The following AGBL4 variants were observed in gnomAD, a reference collection of about 807,000 sequenced individuals.
The protein encoded by AGBL4 is AGBL carboxypeptidase 4.
Under a neutral mutation model 66.4 loss-of-function variants are expected in AGBL4, and 58 were observed. The observed-to-expected ratio is 0.87, with a 90% CI of 0.71 to 1.09. The LOEUF (loss-of-function observed/expected upper bound fraction) is 1.09. Ranked by LOEUF, AGBL4 falls within the 50% of genes least tolerant of loss-of-function variation. AGBL4 has a pLI of 0.00. For missense variants in AGBL4, 579 were observed against 631.0 expected (o/e 0.92, Z 0.88); for synonymous variants, 234 against 222.9 (o/e 1.05, Z -0.44).
chr1:48,644,111 C>A (rs911386753), intron 8 of AGBL4, among the ~76,000 whole-genome samples: 9 of 152,046 alleles, frequency 5.9e-5, no homozygotes, highest in Admixed American at 5.2e-4. Context: ...ATTATCACTC[C>A]AAATCTCTAG....
intron 8 of AGBL4, among the ~76,000 whole-genome samples, chr1:48,651,224 T>C (rs1411286571): frequency 2.0e-5 from 3 of 152,154 alleles, no homozygotes; most frequent in Non-Finnish European, 4.4e-5. Context: ...AGCTTCAGGG[T>C]GAAACCACTT....
intron 3 of AGBL4, among the ~76,000 whole-genome samples, chr1:49,317,477 G>A (rs1185308406): frequency 2.0e-5 from 3 of 151,552 alleles, no homozygotes; most frequent in African/African-American, 7.3e-5. Context: ...CATTATAAAG[G>A]GAACTGAGAA....
At chr1:48,785,103 GACTC>G (rs1337286312) in intron 6 of AGBL4, among the ~76,000 whole-genome samples, 6 of 152,106 alleles carry the variant, frequency 3.9e-5, no homozygotes, top group Non-Finnish European at 5.9e-5. Context: ...AGTCCTCCCT[GACTC>G]ACTCCTTCCA....
At chr1:49,166,376 C>G (rs1178727740) in intron 4 of AGBL4, among the ~76,000 whole-genome samples, 1 of 152,130 alleles carries the variant, frequency 6.6e-6, no homozygotes, top group Non-Finnish European at 1.5e-5. Context: ...GCCAAGAACT[C>G]CATGATGGTA....
intron 3 of AGBL4, among the ~76,000 whole-genome samples, chr1:49,388,685 G>A (rs987678392): frequency 2.0e-5 from 3 of 152,082 alleles, no homozygotes; most frequent in African/African-American, 7.2e-5. Context: ...CAGGTTTTTG[G>A]TTCATATGCT....
intron 4 of AGBL4, among the ~76,000 whole-genome samples, chr1:49,061,081 G>T (rs1166765391): frequency 6.6e-6 from 1 of 152,204 alleles, no homozygotes; most frequent in Non-Finnish European, 1.5e-5. Flanking sequence ...CAAAGGAGAA[G>T]AATGAGGAGG....
intron 4 of AGBL4, among the ~76,000 whole-genome samples, chr1:49,231,758 T>G (rs1650329198): frequency 6.6e-6 from 1 of 152,220 alleles, no homozygotes; most frequent in South Asian, 2.1e-4. Context: ...TAGGAGTATT[T>G]GATTTTGTGA....
At chr1:49,278,092 G>A (rs1644205602) in intron 3 of AGBL4, among the ~76,000 whole-genome samples, 1 of 152,256 alleles carries the variant, frequency 6.6e-6, no homozygotes, top group South Asian at 2.1e-4. Context: ...ACCATGAGAA[G>A]TTGCCCAAGG....
chr1:49,643,728 TA>T, intron 3 of AGBL4, among the ~76,000 whole-genome samples: 1 of 151,728 alleles, frequency 6.6e-6, no homozygotes, highest in Non-Finnish European at 1.5e-5. Flanking sequence ...CTATATCCAG[TA>T]AAAATATGTT....
intron 3 of AGBL4, among the ~76,000 whole-genome samples, chr1:49,284,965 G>A (rs1308001074): frequency 2.0e-5 from 3 of 150,274 alleles, no homozygotes; most frequent in Non-Finnish European, 3.0e-5. Context: ...ACAGATCAAC[G>A]AGACAGAAAG....
chr1:48,830,778 A>G (rs144098527), intron 6 of AGBL4, among the ~76,000 whole-genome samples: 1 of 152,328 alleles, frequency 6.6e-6, no homozygotes, highest in East Asian at 1.9e-4. Context: ...ATAAGAAAAT[A>G]TTTGGATAAT....
chr1:49,672,345 G>C (rs1439395065), intron 3 of AGBL4, among the ~76,000 whole-genome samples: 2 of 151,838 alleles, frequency 1.3e-5, no homozygotes, highest in Non-Finnish European at 2.9e-5. Context: ...TACTTGAGGG[G>C]GGAGGGTGGG....
At chr1:48,546,163 T>G (rs1257000526) in intron 11 of AGBL4, among the ~76,000 whole-genome samples, 3 of 152,212 alleles carry the variant, frequency 2.0e-5, no homozygotes, top group Non-Finnish European at 4.4e-5. Context: ...ACCAAAGCCC[T>G]GCAAAGTCAA....
intron 3 of AGBL4, among the ~76,000 whole-genome samples, chr1:49,493,649 T>C (rs978707157): frequency 5.9e-5 from 9 of 151,938 alleles, no homozygotes; most frequent in African/African-American, 2.2e-4. Context: ...GAGAGAACCA[T>C]GTGAGAGGAA....
Position 48,745,056 on chromosome 1 carries a change from C to T in AGBL4, c.635-81815G>A, listed in dbSNP as rs115960804. Among the ~76,000 whole-genome samples the T allele has an allele frequency of 5.4e-3, 823 of 152,298 alleles. 6 individuals carry two copies. The highest frequency in any genetic ancestry group is 0.019 in the African/African-American group (774 of 41,558). ...ATTATGTTTGCAATCATCTGCCTGT[C>T]GGTTTTCAACATTAGACTATAAAGC... On this transcript the variant is annotated intron_variant, in intron 6 of 13. Transcript: ENST00000371839.
At chr1:48,992,363 CTG>C (rs1557536085) in intron 5 of AGBL4, among the ~76,000 whole-genome samples, 1 of 152,002 alleles carries the variant, frequency 6.6e-6, no homozygotes, top group East Asian at 1.9e-4. Context: ...CTCTCTCTCT[CTG>C]TGCAGAGCTC....
At chr1:48,982,676 T>C (rs1013213367) in intron 5 of AGBL4, among the ~76,000 whole-genome samples, 14 of 152,142 alleles carry the variant, frequency 9.2e-5, no homozygotes, top group Non-Finnish European at 1.0e-4. Flanking sequence ...GTGCATGTGT[T>C]TTTATAGCAG....
At chr1:49,896,480 A>G (rs1043799540) in intron 1 of AGBL4, among the ~76,000 whole-genome samples, 3 of 151,984 alleles carry the variant, frequency 2.0e-5, no homozygotes, top group Admixed American at 2.0e-4. Context: ...ATTTTACCAA[A>G]TATTTAAAGC....
At chr1:49,165,999 A>G (rs1646627279) in intron 4 of AGBL4, among the ~76,000 whole-genome samples, 2 of 152,092 alleles carry the variant, frequency 1.3e-5, no homozygotes, top group South Asian at 4.1e-4. Context: ...TAGATTCTGG[A>G]CCCTTTCAAG....
Sources: allele counts gnomAD v4.1 joint callset (sites outside exome capture counted in the v4.1 genomes callset), GRCh38; gene constraint gnomAD v4.1.1; transcripts MANE v1.5; gene names NCBI Gene and HGNC (gene_info 2026-07-23, HGNC 2026-07-21).